Variants in MTMR11 observed in about 807,000 individuals in gnomAD.
The protein encoded by MTMR11 is myotubularin related protein 11.
A neutral mutation model predicts 100.0 loss-of-function variants in MTMR11; 89 were observed. That is an observed-to-expected ratio of 0.89 (90% CI 0.75 to 1.06). The LOEUF is 1.06. Among genes scored for constraint, MTMR11 ranks in the 50% least tolerant of loss-of-function variants. The pLI is 0.00. For missense variants in MTMR11, 809 were observed against 873.7 expected, an observed-to-expected ratio of 0.93 and a Z score of 0.93; for synonymous variants, 336 against 326.3, an observed-to-expected ratio of 1.03 and a Z score of -0.32.
rs782226046 is a variant in MTMR11 at position 149,930,399 on chromosome 1, T to C, written c.1613A>G (p.Glu538Gly). 1 of 1,613,962 alleles carries C rather than the reference T, an allele frequency of 6.2e-7. No homozygotes were observed. Among genetic ancestry groups the C allele is most frequent in the Non-Finnish European group, 8.5e-7 (1 of 1,179,870 alleles). ...LQFQNPGYDP[E>G]HCPDSWLPRP... ...AGGGAGCCAGGAATCTGGACAGTGT[T>C]CTGGGTCATAGCCAGGATTCTGGAA... The change falls in exon 15 of 17, where the codon GAA becomes GGA. Residue 538 changes from glutamate to glycine, a missense_variant. Transcript: ENST00000439741.
At chr1:149,931,652 G>A (rs1332783253) in intron 12 of MTMR11, 2 of 583,484 alleles carry the variant, frequency 3.4e-6, no homozygotes, top group East Asian at 2.9e-5. Context: ...CATGTAAGGG[G>A]CAGAATCACA....
chr1:149,932,307 A>G lies in MTMR11; in HGVS notation c.1009T>C (p.Trp337Arg), dbSNP rs587730261. Residue 337 changes from tryptophan to arginine, a missense_variant, in exon 11 of 17, where the codon TGG (tryptophan) becomes CGG (arginine). Transcript: ENST00000439741. ...LPDSSVAEDKWLSALEGTRWL... is the reference protein window; with the variant it reads ...LPDSSVAEDKRLSALEGTRWL... Reference sequence around the variant, plus strand: ...CGTGTTCCTTCCAGGGCTGAAAGCCATTTATCCTCAGCTACAGATGAATCT... The same window carrying G: ...CGTGTTCCTTCCAGGGCTGAAAGCCGTTTATCCTCAGCTACAGATGAATCT... 2.5e-6 allele frequency: 4 copies of G among 1,613,956 alleles called. No homozygotes were observed. The African/African-American group carries it at 5.3e-5, about 22-fold the overall frequency.
chr1:149,929,436 C>G (rs2092625191), intron 16 of MTMR11, 119 bp from the exon 17 acceptor site: 1 of 1,228,278 alleles, frequency 8.1e-7, no homozygotes, highest in South Asian at 1.4e-5. Flanking sequence ...CTAAATTCCA[C>G]TTAATCTAAG....
At chr1:149,929,451 A>G in intron 16 of MTMR11, 134 bp from the exon 17 acceptor site, 1 of 1,202,434 alleles carries the variant, frequency 8.3e-7, no homozygotes, top group East Asian at 2.3e-5. Flanking sequence ...TCTAAGCCAC[A>G]AGCACTTTCC....
chr1:149,936,104 G>A, intron 2 of MTMR11, 50 bp downstream of exon 2: 2 of 1,557,870 alleles, frequency 1.3e-6, no homozygotes, highest in Non-Finnish European at 1.8e-6. Context: ...AAACAAGATT[G>A]GCGTAGGATG....
intron 13 of MTMR11, 54 bp downstream of exon 13, chr1:149,931,206 A>T: frequency 1.2e-6 from 2 of 1,607,020 alleles, no homozygotes; most frequent in South Asian, 2.2e-5. Flanking sequence ...ATAATTTCTC[A>T]TTCTCTTACT....
In MTMR11 at chr1:149,933,607, C is replaced by T; in HGVS notation, c.860+3G>A. ...TTGATTCTTCTCATCAAGCCTCCCT[C>T]ACCTGATATCCTCCTTGTTAGGGTC... On this transcript the variant is annotated splice_donor_region_variant and intron_variant, in intron 9 of 16. Transcript: ENST00000439741. 2.5e-6 allele frequency: 4 copies of T among 1,614,198 alleles called. No homozygotes were observed. Among genetic ancestry groups the T allele is most frequent in the East Asian group, 2.2e-5 (1 of 44,882 alleles).
At position 149,932,290 on chromosome 1, in the gene MTMR11, T is replaced by C. The variant is rs782458265; in HGVS notation, c.1026A>G (p.Glu342=). Residue 342 remains glutamate (E), a synonymous_variant, in exon 11 of 17, where the codon GAA becomes GAG. Coordinates refer to ENST00000439741, the MANE Select transcript of MTMR11 (RefSeq NM_001145862.2). ...TGACATAGTCCAGCCATCGTGTTCCTTCCAGGGCTGAAAGCCATTTATCCT... is the reference window on the plus strand; with the variant it reads ...TGACATAGTCCAGCCATCGTGTTCCCTCCAGGGCTGAAAGCCATTTATCCT... The part of the protein sequence containing the change: ...VAEDKWLSAL[E]GTRWLDYVRA... 2 of 1,614,120 alleles carry C rather than the reference T, an allele frequency of 1.2e-6. No individual in the cohort carries two copies. Among genetic ancestry groups the C allele is most frequent in the Non-Finnish European group, 1.7e-6 (2 of 1,179,934 alleles).
intron 2 of MTMR11, 112 bp from the exon 3 acceptor site, chr1:149,935,817 C>A: frequency 7.8e-7 from 1 of 1,280,460 alleles, no homozygotes; most frequent in Non-Finnish European, 1.1e-6. Context: ...TAAAATCCTC[C>A]CCAAAGCCCA....
At chr1:149,930,688 C>T (rs2092646542) in intron 14 of MTMR11, 104 bp downstream of exon 14, 1 of 1,367,668 alleles carries the variant, frequency 7.3e-7, no homozygotes, top group Non-Finnish European at 9.9e-7. Context: ...ATCTCCCCCT[C>T]CCCACTCACA....
At position 149,928,785 on chromosome 1, in the gene MTMR11, A is replaced by T; in HGVS notation, c.*344T>A. On this transcript the variant is annotated 3_prime_UTR_variant, in exon 17 of 17. Coordinates refer to ENST00000439741, the MANE Select transcript of MTMR11 (RefSeq NM_001145862.2). ...AAGGGAAGAAATAGAACTTGGAATT[A>T]AAGCAGCAGCAAGGCGAGGTGAGAA... is the stretch of plus-strand genomic sequence containing the variant. 3 of 1,340,106 alleles carry T rather than the reference A, an allele frequency of 2.2e-6. No individual in the cohort carries two copies. Among genetic ancestry groups the T allele is most frequent in the Non-Finnish European group, 3.2e-6 (3 of 933,162 alleles). The allele number at this position is 1,340,106 out of a possible 1,614,324, so 83.0% of individuals were successfully genotyped here.
Position 149,935,354 on chromosome 1 carries a change from A to T in MTMR11, c.270T>A (p.Thr90=). 2 of 1,613,172 alleles carry T rather than the reference A, an allele frequency of 1.2e-6. No individual in the cohort carries two copies. Among genetic ancestry groups the T allele is most frequent in the Non-Finnish European group, 1.7e-6 (2 of 1,179,690 alleles). The change falls in exon 4 of 17, where the codon ACT becomes ACA. Residue 90 remains threonine (T), a synonymous_variant. Coordinates refer to ENST00000439741, the MANE Select transcript of MTMR11 (RefSeq NM_001145862.2). ...QPCGWQWNQD[T]PLNSEYDFAL... ...CAAAATCGTATTCACTGTTCAAGGG[A>T]GTGTCCTAGACGAAACACGTGACTG...
At position 149,929,614 on chromosome 1, in the gene MTMR11, C is replaced by T; in HGVS notation, c.1941+9G>A. 6.2e-7 allele frequency: 1 copy of T among 1,604,340 alleles called. No individual in the cohort carries two copies. Among genetic ancestry groups the T allele is most frequent in the Non-Finnish European group, 8.5e-7 (1 of 1,175,364 alleles). ...CTTGTCCCACTCCCAGTCTATTTTC[C>T]CTTCTTACCTGGACCTCAGGCCTTC... On this transcript the variant is annotated intron_variant, in intron 16 of 16. Coordinates refer to ENST00000439741, the MANE Select transcript of MTMR11 (RefSeq NM_001145862.2).
In MTMR11 at chr1:149,929,734, G is replaced by A. The variant is rs781957709; in HGVS notation, c.1830C>T (p.Pro610=). The A allele has an allele frequency of 3.1e-6, 5 of 1,614,092 alleles. No individual in the cohort carries two copies. The highest frequency in any genetic ancestry group is 2.7e-5 in the African/African-American group (2 of 74,924). Residue 610 remains proline (P), a synonymous_variant, in exon 16 of 17, where the codon CCC becomes CCT. Transcript: ENST00000439741. ...ESLADQEWGL[P]SHWGACPLPP... is the part of the protein sequence containing the mutation. ...GTAAAGGGCAAGCTCCCCAATGTGA[G>A]GGGAGACCCCATTCCTGGTCAGCCA...
intron 2 of MTMR11, 84 bp downstream of exon 2, chr1:149,936,069 CA>C: frequency 5.7e-6 from 8 of 1,412,408 alleles, no homozygotes; most frequent in Non-Finnish European, 7.0e-6. Flanking sequence ...GAGAGGAACA[CA>C]GGGGTATCTT....
At chr1:149,936,497 C>T in intron 1 of MTMR11, 85 bp downstream of exon 1, 1 of 1,278,202 alleles carries the variant, frequency 7.8e-7, no homozygotes, top group South Asian at 1.3e-5. Flanking sequence ...TCCTCCTCCT[C>T]TAGAGCCTTT....
At position 149,929,783 on chromosome 1, in the gene MTMR11, C is replaced by G; in HGVS notation, c.1781G>C (p.Arg594Pro). ...CAGGCTTTCAGAGGAGATAGCAGGT[C>G]GAGGGAGCCAACGAGAAGAGACTGC... ...LLAVSSRWLP[R>P]PAISSESLAD... Residue 594 changes from arginine to proline, a missense_variant, in exon 16 of 17, where the codon CGA becomes CCA. Transcript: ENST00000439741. The G allele has an allele frequency of 6.2e-7, 1 of 1,614,106 alleles. No homozygotes were observed. Among genetic ancestry groups the G allele is most frequent in the Non-Finnish European group, 8.5e-7 (1 of 1,180,032 alleles).
At chr1:149,929,563 T>C in intron 16 of MTMR11, 60 bp downstream of exon 16, 1 of 1,532,494 alleles carries the variant, frequency 6.5e-7, no homozygotes, top group South Asian at 1.3e-5. Context: ...CAGCTCCTGT[T>C]CATCTGGTTC....
intron 8 of MTMR11, 69 bp from the exon 9 acceptor site, chr1:149,933,767 C>T: frequency 1.2e-6 from 2 of 1,609,040 alleles, no homozygotes; most frequent in Non-Finnish European, 1.7e-6. Flanking sequence ...TGCCCCCACA[C>T]TGACCTCACA....
Sources: gnomAD v4.1 joint callset for allele counts on GRCh38, gnomAD v4.1.1 for gene constraint, MANE v1.5 for transcripts, NCBI Gene and HGNC (gene_info 2026-07-23, HGNC 2026-07-21) for gene names.